LHFPL3: variants seen among roughly 807,000 people sequenced by gnomAD.
LHFPL3 encodes the protein LHFPL tetraspan subfamily member 3 protein.
LHFPL3 carries 5 observed loss-of-function variants against 19.3 expected under a neutral mutation model. That is an observed-to-expected ratio of 0.26 (90% confidence interval 0.14 to 0.54). LHFPL3 has a LOEUF of 0.54. Ranked by LOEUF, LHFPL3 falls within the 20% of genes least tolerant of loss-of-function variation. The pLI, the probability that LHFPL3 is intolerant of heterozygous loss-of-function variation, is 0.94. For missense variants in LHFPL3, 249 were observed against 307.4 expected (o/e 0.81, Z 1.42); for synonymous variants, 133 against 126.2 (o/e 1.05, Z -0.36).
chr7:104,568,224 T>C (rs1217255926), intron 1 of LHFPL3, among the ~76,000 whole-genome samples: 1 of 152,170 alleles, frequency 6.6e-6, no homozygotes, highest in African/African-American at 2.4e-5. Context: ...ACTGACTTGG[T>C]AGGTATGGAG....
At chr7:104,861,167 G>C (rs934967200) in intron 2 of LHFPL3, among the ~76,000 whole-genome samples, 5 of 152,164 alleles carry the variant, frequency 3.3e-5, no homozygotes, top group African/African-American at 1.2e-4. Flanking sequence ...TAGATTGTGT[G>C]TTAGTGTGGG....
chr7:104,358,634 CT>C (rs1790331982), intron 1 of LHFPL3, among the ~76,000 whole-genome samples: 1 of 152,202 alleles, frequency 6.6e-6, no homozygotes, highest in Non-Finnish European at 1.5e-5. Flanking sequence ...CATTGGGTGA[CT>C]TTCACAGAGC....
chr7:104,761,343 T>G (rs1031220564), intron 2 of LHFPL3, among the ~76,000 whole-genome samples: 1 of 152,012 alleles, frequency 6.6e-6, no homozygotes, highest in Admixed American at 6.6e-5. Context: ...AGTTTCTAAG[T>G]AGGGAAAAGG....
chr7:104,745,891 G>T (rs556030189), intron 2 of LHFPL3, among the ~76,000 whole-genome samples: 39 of 152,222 alleles, frequency 2.6e-4, no homozygotes, highest in Non-Finnish European at 4.7e-4. Context: ...AGGGGGTGTA[G>T]TAACTTAGGG....
intron 1 of LHFPL3, among the ~76,000 whole-genome samples, chr7:104,656,025 A>C (rs1011239235): frequency 6.6e-6 from 1 of 152,222 alleles, no homozygotes; most frequent in Admixed American, 6.5e-5. Context: ...GAATTTTGAC[A>C]TTTGGTTTTA....
intron 2 of LHFPL3, among the ~76,000 whole-genome samples, chr7:104,786,840 T>C (rs537375871): frequency 5.3e-5 from 8 of 152,280 alleles, no homozygotes; most frequent in African/African-American, 1.9e-4. Context: ...CAAAATCACA[T>C]GAATGCAATT....
chr7:104,780,344 G>C (rs946197999), intron 2 of LHFPL3, among the ~76,000 whole-genome samples: 1 of 152,120 alleles, frequency 6.6e-6, no homozygotes. Context: ...ATCCCCGTAA[G>C]TCCTCACCTC....
intron 2 of LHFPL3, among the ~76,000 whole-genome samples, chr7:104,812,098 C>A (rs1584547970): frequency 1.3e-5 from 2 of 152,116 alleles, no homozygotes; most frequent in African/African-American, 2.4e-5. Flanking sequence ...ACACCATGAG[C>A]CTTTCTGTTT....
intron 1 of LHFPL3, among the ~76,000 whole-genome samples, chr7:104,447,411 G>A (rs1792350189): frequency 6.6e-6 from 1 of 152,066 alleles, no homozygotes; most frequent in Non-Finnish European, 1.5e-5. Context: ...AACATTAATG[G>A]ATGCAAACTA....
intron 1 of LHFPL3, among the ~76,000 whole-genome samples, chr7:104,406,523 T>G (rs1562887903): frequency 6.6e-6 from 1 of 152,246 alleles, no homozygotes; most frequent in African/African-American, 2.4e-5. Flanking sequence ...TATTGAGATA[T>G]GAATTAAAAG....
intron 1 of LHFPL3, among the ~76,000 whole-genome samples, chr7:104,504,771 A>G (rs929781346): frequency 6.6e-6 from 1 of 152,232 alleles, no homozygotes; most frequent in Admixed American, 6.5e-5. Context: ...CATTAAAACC[A>G]GAATTCAAGA....
intron 1 of LHFPL3, among the ~76,000 whole-genome samples, chr7:104,373,957 AT>A (rs1790659669): frequency 6.6e-6 from 1 of 152,068 alleles, no homozygotes; most frequent in African/African-American, 2.4e-5. Context: ...AAATATTTTG[AT>A]TTTCTTCCTT....
chr7:104,864,806 C>G (rs1354574742), intron 2 of LHFPL3, among the ~76,000 whole-genome samples: 1 of 152,198 alleles, frequency 6.6e-6, no homozygotes, highest in African/African-American at 2.4e-5. Flanking sequence ...CAAGTGGGTC[C>G]CTGCCCCCCA....
chr7:104,396,220 A>G (rs1045350001), intron 1 of LHFPL3, among the ~76,000 whole-genome samples: 16 of 152,212 alleles, frequency 1.1e-4, no homozygotes, highest in Non-Finnish European at 1.8e-4. Flanking sequence ...GAGTTAGGCA[A>G]GTTCTCTTCA....
intron 1 of LHFPL3, among the ~76,000 whole-genome samples, chr7:104,467,849 C>T (rs1441842540): frequency 6.6e-6 from 1 of 152,232 alleles, no homozygotes; most frequent in Admixed American, 6.5e-5. Flanking sequence ...GCTCCTCCTT[C>T]TCTTCCTTCT....
intron 2 of LHFPL3, among the ~76,000 whole-genome samples, chr7:104,808,940 G>C (rs192088509): frequency 7.2e-6 from 1 of 139,290 alleles, no homozygotes; most frequent in East Asian, 2.1e-4. Flanking sequence ...TCTGAAACCA[G>C]GCTGGAGTGC....
chr7:104,447,378 A>G (rs1440671704), intron 1 of LHFPL3, among the ~76,000 whole-genome samples: 1 of 152,148 alleles, frequency 6.6e-6, no homozygotes, highest in African/African-American at 2.4e-5. Flanking sequence ...AAAAAATAGT[A>G]CTTTTTCTAA....
intron 1 of LHFPL3, among the ~76,000 whole-genome samples, chr7:104,444,740 G>A (rs1792294779): frequency 6.6e-6 from 1 of 152,158 alleles, no homozygotes. Flanking sequence ...TATAATCCCA[G>A]CACTTTGGGA....
intron 2 of LHFPL3, chr7:104,738,539 A>G (rs1793872400): frequency 6.6e-6 from 1 of 152,150 alleles, no homozygotes; most frequent in East Asian, 1.9e-4. Context: ...AGAACCTTTC[A>G]CTTTCCAGAC....
Sources: allele counts gnomAD v4.1 joint callset (sites outside exome capture counted in the v4.1 genomes callset), GRCh38; gene constraint gnomAD v4.1.1; transcripts MANE v1.5; gene names NCBI Gene and HGNC (gene_info 2026-07-23, HGNC 2026-07-21).